NTNG1: variants seen among roughly 807,000 people sequenced by gnomAD.
NTNG1 encodes netrin-G1.
NTNG1 carries 16 observed loss-of-function variants against 54.0 expected under a neutral mutation model. The ratio of observed to expected loss-of-function variants is 0.30; its 90% confidence interval spans 0.20 to 0.45. The LOEUF is 0.45. NTNG1 is among the 20% of genes least tolerant of loss of function. The pLI, the probability that NTNG1 is intolerant of heterozygous loss-of-function variation, is 1.00. For synonymous variants in NTNG1, 255 were observed against 263.1 expected (o/e 0.97, Z 0.30); for missense variants, 530 against 678.7 (o/e 0.78, Z 2.43).
intron 2 of NTNG1, among the ~76,000 whole-genome samples, chr1:107,257,400 T>C (rs1217496493): frequency 6.6e-6 from 1 of 152,240 alleles, no homozygotes; most frequent in Non-Finnish European, 1.5e-5. Flanking sequence ...AAGTATAGAC[T>C]GGAAAATAAA....
At chr1:107,306,004 G>A (rs1666675512) in intron 2 of NTNG1, among the ~76,000 whole-genome samples, 1 of 152,120 alleles carries the variant, frequency 6.6e-6, no homozygotes, top group South Asian at 2.1e-4. Flanking sequence ...AAACATTCAA[G>A]CACTCATTGG....
intron 2 of NTNG1, among the ~76,000 whole-genome samples, chr1:107,182,322 T>C (rs560151841): frequency 5.7e-4 from 87 of 152,254 alleles, no homozygotes; most frequent in Non-Finnish European, 1.1e-3. Flanking sequence ...ATGCCACATG[T>C]TTAATGATAC....
intron 2 of NTNG1, among the ~76,000 whole-genome samples, chr1:107,311,736 T>C (rs1312898323): frequency 1.3e-5 from 2 of 152,212 alleles, no homozygotes; most frequent in Non-Finnish European, 1.5e-5. Context: ...TCTTGAATCA[T>C]TAAAAATGTT....
At chr1:107,273,190 C>T (rs983089503) in intron 2 of NTNG1, among the ~76,000 whole-genome samples, 3 of 152,048 alleles carry the variant, frequency 2.0e-5, no homozygotes, top group Admixed American at 1.3e-4. Context: ...GTAGGGGGGT[C>T]CTGAAAGGTG....
intron 3 of NTNG1, among the ~76,000 whole-genome samples, chr1:107,378,038 C>T (rs1671409569): frequency 6.6e-6 from 1 of 152,212 alleles, no homozygotes; most frequent in African/African-American, 2.4e-5. Flanking sequence ...TTCATTAACA[C>T]TAAAGTACAT....
At chr1:107,227,109 G>A (rs1456121598) in intron 2 of NTNG1, among the ~76,000 whole-genome samples, 1 of 152,058 alleles carries the variant, frequency 6.6e-6, no homozygotes, top group Non-Finnish European at 1.5e-5. Flanking sequence ...CTGAGTTTCA[G>A]CTCTTCTGTC....
In NTNG1 at chr1:107,482,135, C is replaced by A. The variant is rs1571062236; in HGVS notation, c.*1295C>A. The A allele has an allele frequency of 1.4e-5, 2 of 147,354 alleles. No homozygotes were observed. The highest frequency in any genetic ancestry group is 1.5e-5 in the Non-Finnish European group (1 of 67,302). 9.1% of individuals were successfully genotyped at this position (147,354 alleles called of 1,614,324 possible). A position where few individuals can be genotyped will look rare whatever the true frequency, so the allele number is the denominator to read the frequency against. ...AGCCTGTTGGCAGAGTACTAAGAGACTTTTATTTTTAAGTCATGCTATTTT... is the reference window on the plus strand; with the variant it reads ...AGCCTGTTGGCAGAGTACTAAGAGAATTTTATTTTTAAGTCATGCTATTTT... On this transcript the variant is annotated 3_prime_UTR_variant, in exon 8 of 8. Coordinates refer to ENST00000370068, the MANE Select transcript of NTNG1 (RefSeq NM_001113226.3).
chr1:107,141,798 T>C (rs1228270373), intron 1 of NTNG1, among the ~76,000 whole-genome samples: 1 of 152,156 alleles, frequency 6.6e-6, no homozygotes, highest in Non-Finnish European at 1.5e-5. Flanking sequence ...GCTCTCCCTC[T>C]CTCACGCACA....
At chr1:107,275,832 C>A (rs1328569759) in intron 2 of NTNG1, among the ~76,000 whole-genome samples, 2 of 152,112 alleles carry the variant, frequency 1.3e-5, no homozygotes, top group African/African-American at 4.8e-5. Flanking sequence ...AATGTTTGAG[C>A]AAATGTCTCT....
intron 5 of NTNG1, chr1:107,421,172 T>C: frequency 1.4e-6 from 2 of 1,472,842 alleles, no homozygotes; most frequent in East Asian, 2.3e-5. Flanking sequence ...ATACAGTGAT[T>C]TCATGGTGTT....
rs139926378 is a variant in NTNG1 at position 107,386,906 on chromosome 1, C to G, written c.888-8248C>G. 1.1e-4 allele frequency among the ~76,000 whole-genome samples: 16 copies of G among 152,326 alleles called. No individual in the cohort carries two copies. The East Asian group carries it at 2.7e-3, about 26-fold the overall frequency. On this transcript the variant is annotated intron_variant, in intron 3 of 7. Coordinates refer to ENST00000370068, the MANE Select transcript of NTNG1 (RefSeq NM_001113226.3). ...TTCCAATTTCTCCACATCCTTGCAG[C>G]ATTTGTTATCATCCATCTTTGTTTT... is the stretch of plus-strand genomic sequence containing the variant.
intron 2 of NTNG1, among the ~76,000 whole-genome samples, chr1:107,227,624 C>G (rs925691400): frequency 6.6e-5 from 10 of 151,956 alleles, no homozygotes; most frequent in East Asian, 3.9e-4. Flanking sequence ...CCTTTTGGCT[C>G]AAGCTGGAAA....
chr1:107,207,856 C>T (rs1337105666), intron 2 of NTNG1, among the ~76,000 whole-genome samples: 2 of 152,086 alleles, frequency 1.3e-5, no homozygotes, highest in African/African-American at 2.4e-5. Context: ...GTTAAAATTC[C>T]GTGGGAAGGT....
chr1:107,314,337 T>G (rs1667204619), intron 2 of NTNG1, among the ~76,000 whole-genome samples: 1 of 152,100 alleles, frequency 6.6e-6, no homozygotes, highest in Non-Finnish European at 1.5e-5. Context: ...AGGCAGAGGT[T>G]GCAGTGAGCC....
intron 2 of NTNG1, among the ~76,000 whole-genome samples, chr1:107,295,199 C>G (rs1040025873): frequency 6.6e-6 from 1 of 152,148 alleles, no homozygotes. Context: ...AATTATATCA[C>G]TTGAATATTC....
At chr1:107,275,423 A>G (rs1301758121) in intron 2 of NTNG1, among the ~76,000 whole-genome samples, 3 of 152,152 alleles carry the variant, frequency 2.0e-5, no homozygotes, top group African/African-American at 7.2e-5. Flanking sequence ...GAGATTTATT[A>G]TGAGGAATTG....
At chr1:107,227,140 G>A (rs912863623) in intron 2 of NTNG1, among the ~76,000 whole-genome samples, 4 of 152,002 alleles carry the variant, frequency 2.6e-5, no homozygotes, top group African/African-American at 9.7e-5. Context: ...GTGACTATGG[G>A]CAATTATTTA....
At chr1:107,393,709 C>T (rs1672504889) in intron 3 of NTNG1, among the ~76,000 whole-genome samples, 1 of 151,860 alleles carries the variant, frequency 6.6e-6, no homozygotes, top group African/African-American at 2.4e-5. Flanking sequence ...AGCCCAACAG[C>T]TTTCAGTAAT....
intron 2 of NTNG1, among the ~76,000 whole-genome samples, chr1:107,305,064 A>G (rs1666594629): frequency 6.6e-6 from 1 of 152,054 alleles, no homozygotes; most frequent in Non-Finnish European, 1.5e-5. Flanking sequence ...AAAGACATGA[A>G]TTTATCTTTT....
Sources: allele counts gnomAD v4.1 joint callset (sites outside exome capture counted in the v4.1 genomes callset), GRCh38; gene constraint gnomAD v4.1.1; transcripts MANE v1.5; gene names NCBI Gene and HGNC (gene_info 2026-07-23, HGNC 2026-07-21).